LRRTM4: variants seen among roughly 807,000 people sequenced by gnomAD.
LRRTM4 encodes the protein leucine-rich repeat transmembrane neuronal protein 4.
In LRRTM4, 25 loss-of-function variants were observed where a neutral mutation model predicts 47.6. The ratio of observed to expected loss-of-function variants is 0.53; its 90% CI spans 0.38 to 0.73. The LOEUF is 0.73. Ranked by LOEUF, LRRTM4 falls within the 30% of genes least tolerant of loss-of-function variation. The pLI is 0.00. For missense variants in LRRTM4, 638 were observed against 713.4 expected (o/e 0.89, Z 1.20); for synonymous variants, 311 against 269.5 (o/e 1.15, Z -1.51).
rs548324122 is a variant in LRRTM4 at position 77,167,557 on chromosome 2, G to A, written c.1551+350761C>T. On this transcript the variant is annotated intron_variant, in intron 3 of 3. Coordinates refer to ENST00000409884, the MANE Select transcript of LRRTM4 (RefSeq NM_001134745.3). Reference sequence around the variant, plus strand: ...GCAAAGACTTGGAACCAACCCAAATGTCCATCAATGATAGACTGGATTAAG... The same window carrying A: ...GCAAAGACTTGGAACCAACCCAAATATCCATCAATGATAGACTGGATTAAG... Among the ~76,000 whole-genome samples the A allele has an allele frequency of 7.9e-5, 12 of 152,274 alleles. No individual in the cohort carries two copies. The East Asian group carries it at 2.3e-3, about 29-fold the overall frequency.
At chr2:76,867,357 C>T (rs1163616884) in intron 3 of LRRTM4, among the ~76,000 whole-genome samples, 1 of 152,086 alleles carries the variant, frequency 6.6e-6, no homozygotes, top group East Asian at 1.9e-4. Context: ...TATAAAGTTT[C>T]TAGATCATGT....
intron 3 of LRRTM4, among the ~76,000 whole-genome samples, chr2:77,242,260 A>G (rs1179006609): frequency 3.3e-5 from 5 of 152,116 alleles, no homozygotes; most frequent in Non-Finnish European, 7.4e-5. Flanking sequence ...ATTAAGTAGG[A>G]ATAAATTTCT....
intron 3 of LRRTM4, among the ~76,000 whole-genome samples, chr2:77,500,893 T>C (rs1343081923): frequency 6.6e-6 from 1 of 151,472 alleles, no homozygotes; most frequent in African/African-American, 2.4e-5. Context: ...CCAAGATATA[T>C]TGAGTGAAAC....
intron 3 of LRRTM4, among the ~76,000 whole-genome samples, chr2:76,920,841 T>C (rs1674409954): frequency 6.6e-6 from 1 of 152,088 alleles, no homozygotes; most frequent in Non-Finnish European, 1.5e-5. Flanking sequence ...ATTAAATAAT[T>C]TACTGAAACT....
At chr2:76,770,942 T>A (rs532281514) in intron 3 of LRRTM4, among the ~76,000 whole-genome samples, 1 of 152,318 alleles carries the variant, frequency 6.6e-6, no homozygotes, top group South Asian at 2.1e-4. Context: ...AAAAACAGAA[T>A]GCTACCACAT....
At chr2:77,151,282 C>T (rs1337498998) in intron 3 of LRRTM4, among the ~76,000 whole-genome samples, 1 of 152,102 alleles carries the variant, frequency 6.6e-6, no homozygotes, top group African/African-American at 2.4e-5. Context: ...ATTCATCTGG[C>T]ATTGTTGAAA....
intron 3 of LRRTM4, among the ~76,000 whole-genome samples, chr2:77,180,309 A>C (rs1673313527): frequency 6.6e-6 from 1 of 152,136 alleles, no homozygotes; most frequent in African/African-American, 2.4e-5. Context: ...GTACATAGCA[A>C]ACTAAATCTT....
At chr2:76,991,330 TCATA>T (rs1252607513) in intron 3 of LRRTM4, among the ~76,000 whole-genome samples, 2 of 151,504 alleles carry the variant, frequency 1.3e-5, no homozygotes, top group East Asian at 3.9e-4. Context: ...ACTCAAAAAT[TCATA>T]CAAAGGATCA....
At chr2:77,048,869 C>T (rs1679320859) in intron 3 of LRRTM4, among the ~76,000 whole-genome samples, 1 of 151,302 alleles carries the variant, frequency 6.6e-6, no homozygotes, top group African/African-American at 2.4e-5. Context: ...CTTGTCCTTC[C>T]AATACAGCTG....
rs536816381 is a variant in LRRTM4, at chr2:76,886,690, TAAG to T, written c.1552-137777_1552-137775del. ...GTAACATAACTCTCCTACATATTTT[TAAG>T]AATAACCACTTAGAAAGCGAAGTGG... On this transcript the variant is annotated intron_variant, in intron 3 of 3. Coordinates refer to ENST00000409884, the MANE Select transcript of LRRTM4 (RefSeq NM_001134745.3). 4.2e-4 allele frequency among the ~76,000 whole-genome samples: 64 copies of T among 152,044 alleles called. No individual in the cohort carries two copies. The East Asian group carries it at 5.6e-3, about 13-fold the overall frequency.
intron 3 of LRRTM4, among the ~76,000 whole-genome samples, chr2:76,838,667 T>C (rs1671587030): frequency 6.6e-6 from 1 of 152,064 alleles, no homozygotes. Context: ...GCCAGTTTCT[T>C]TTCTGAATCT....
rs933918917 is a variant in LRRTM4, at chr2:76,879,034, G to T, written c.1552-130118C>A. On this transcript the variant is annotated intron_variant, in intron 3 of 3. Coordinates refer to ENST00000409884, the MANE Select transcript of LRRTM4 (RefSeq NM_001134745.3). ...TAAGGAAGCTGCAGAAATAAAGTTC[G>T]AAGCTAGCAGAGGCTGGTTCAAAAG... is the stretch of plus-strand genomic sequence containing the variant. 3.3e-5 allele frequency among the ~76,000 whole-genome samples: 5 copies of T among 152,148 alleles called. No individual in the cohort carries two copies. The East Asian group carries it at 9.6e-4, about 29-fold the overall frequency.
intron 3 of LRRTM4, among the ~76,000 whole-genome samples, chr2:76,981,494 T>G (rs1676606518): frequency 6.6e-6 from 1 of 152,038 alleles, no homozygotes; most frequent in Non-Finnish European, 1.5e-5. Flanking sequence ...AAATATAATG[T>G]AAGCTTTCTG....
At chr2:76,923,455 A>AAAGAC (rs1281380600) in intron 3 of LRRTM4, among the ~76,000 whole-genome samples, 1 of 152,028 alleles carries the variant, frequency 6.6e-6, no homozygotes, top group African/African-American at 2.4e-5. Context: ...TGAGCAAAAA[A>AAAGAC]AAGACAGGGT....
chr2:77,050,455 G>A (rs1489828170), intron 3 of LRRTM4, among the ~76,000 whole-genome samples: 6 of 152,064 alleles, frequency 3.9e-5, no homozygotes, highest in African/African-American at 1.2e-4. Flanking sequence ...TTACCATTTG[G>A]ACTTGAAGCT....
At chr2:77,249,041 G>A (rs1356636271) in intron 3 of LRRTM4, among the ~76,000 whole-genome samples, 3 of 152,108 alleles carry the variant, frequency 2.0e-5, no homozygotes, top group African/African-American at 4.8e-5. Context: ...TTGATAAACT[G>A]AAATTCATTA....
intron 3 of LRRTM4, among the ~76,000 whole-genome samples, chr2:77,503,897 G>T (rs970900118): frequency 4.0e-5 from 6 of 151,684 alleles, no homozygotes; most frequent in Non-Finnish European, 7.4e-5. Context: ...TGGTGATGAT[G>T]AAGTCAGTGG....
intron 3 of LRRTM4, among the ~76,000 whole-genome samples, chr2:76,967,009 A>T (rs941680463): frequency 2.0e-5 from 3 of 151,484 alleles, no homozygotes; most frequent in Admixed American, 6.6e-5. Flanking sequence ...AAACTGCCAA[A>T]TCACCTATCA....
intron 3 of LRRTM4, among the ~76,000 whole-genome samples, chr2:77,032,853 A>T (rs1678710869): frequency 6.6e-6 from 1 of 152,056 alleles, no homozygotes. Flanking sequence ...TTGTGCCATG[A>T]TTTCATGGGA....
Sources: allele counts gnomAD v4.1 joint callset (sites outside exome capture counted in the v4.1 genomes callset), GRCh38; gene constraint gnomAD v4.1.1; transcripts MANE v1.5; gene names NCBI Gene and HGNC (gene_info 2026-07-23, HGNC 2026-07-21).